UBN2: variants seen among roughly 807,000 people sequenced by gnomAD.
UBN2 encodes the protein ubinuclein 2.
Under a neutral mutation model 120.2 loss-of-function variants are expected in UBN2, and 35 were observed. That is an observed-to-expected ratio of 0.29 (90% CI 0.22 to 0.39). The LOEUF (loss-of-function observed/expected upper bound fraction) is 0.39, where lower values mean the gene tolerates loss of function less well. Among genes scored for constraint, UBN2 ranks in the 10% least tolerant of loss-of-function variants. The pLI is 1.00. For synonymous variants in UBN2, 661 were observed against 648.7 expected (o/e 1.02, Z -0.29); for missense variants, 1,693 against 1,663.2 (o/e 1.02, Z -0.31).
chr7:139,244,916 C>T (rs1479670614), intron 2 of UBN2, among the ~76,000 whole-genome samples: 3 of 151,694 alleles, frequency 2.0e-5, no homozygotes, highest in Non-Finnish European at 2.9e-5. Flanking sequence ...TTAATAAATA[C>T]TCTCTATCAC....
chr7:139,295,938 T>A (rs1370347401), intron 17 of UBN2, among the ~76,000 whole-genome samples: 1 of 152,170 alleles, frequency 6.6e-6, no homozygotes, highest in Non-Finnish European at 1.5e-5. Context: ...AAAAAAAGTT[T>A]AAAATTTTTC....
chr7:139,231,549 A>G lies in UBN2; in HGVS notation c.65A>G (p.Tyr22Cys). The G allele has an allele frequency of 7.1e-7, 1 of 1,416,336 alleles. No individual in the cohort carries two copies. Among genetic ancestry groups the G allele is most frequent in the Non-Finnish European group, 9.3e-7 (1 of 1,076,260 alleles). 87.7% of individuals were successfully genotyped at this position (1,416,336 alleles called of 1,614,324 possible). The change falls in exon 1 of 18, where the codon TAC becomes TGC. Residue 22 changes from tyrosine (Y) to cysteine (C), a missense_variant. Tyr to Cys is a radical substitution (Grantham distance 194). This residue lies in a region of UBN2 where 663 missense variants were observed against 591.2 expected (regional missense o/e 1.12). Coordinates refer to ENST00000473989, the MANE Select transcript of UBN2 (RefSeq NM_173569.4). ...CCGGTGCGGCGGCGCGAGGCCGAGT[A>G]CCCGGGGCCCGAGCGTGAGCCCGAG... ...LSPVRRREAE[Y>C]PGPEREPEYP...
At position 139,258,575 on chromosome 7, in the gene UBN2, G is replaced by C. The variant is rs745835487; in HGVS notation, c.751G>C (p.Asp251His). ...CACTCTACAGTTTCGCCAAGCTTCA[G>C]ATACTGAAGAAGATGATATTACAGA... The part of the protein sequence containing the change: ...TGTLQFRQAS[D>H]TEEDDITDNQ... The change falls in exon 4 of 18, where the codon GAT (aspartate) becomes CAT (histidine). Residue 251 changes from aspartate to histidine, a missense_variant. Coordinates refer to ENST00000473989, the MANE Select transcript of UBN2 (RefSeq NM_173569.4). 3 of 1,607,264 alleles carry C rather than the reference G, an allele frequency of 1.9e-6. No homozygotes were observed. Among genetic ancestry groups the C allele is most frequent in the Admixed American group, 3.4e-5 (2 of 59,668 alleles).
chr7:139,281,644 T>G (rs1797615496), intron 13 of UBN2, among the ~76,000 whole-genome samples: 1 of 152,356 alleles, frequency 6.6e-6, no homozygotes, highest in South Asian at 2.1e-4. Context: ...CTGCACAGTA[T>G]TCTATTAGAG....
intron 12 of UBN2, 167 bp downstream of exon 12, chr7:139,276,314 G>T: frequency 2.9e-6 from 2 of 685,066 alleles, no homozygotes; most frequent in Non-Finnish European, 5.1e-6. Context: ...AATTGTCAGG[G>T]TACTCTCTAA....
chr7:139,269,807 C>CT (rs200284259), intron 8 of UBN2, among the ~76,000 whole-genome samples: 57 of 146,522 alleles, frequency 3.9e-4, no homozygotes, highest in Admixed American at 4.8e-4. Flanking sequence ...AAGTACTCAC[C>CT]TTTTTTTTTT....
intron 2 of UBN2, among the ~76,000 whole-genome samples, chr7:139,243,676 G>T (rs1031143637): frequency 6.6e-6 from 1 of 152,136 alleles, no homozygotes; most frequent in Non-Finnish European, 1.5e-5. Context: ...GGCAGGTCAG[G>T]GTTAGAAGTT....
rs746690007 is a variant in UBN2 at position 139,231,539 on chromosome 7, G to A, written c.55G>A (p.Glu19Lys). The A allele has an allele frequency of 1.4e-6, 2 of 1,425,428 alleles. No homozygotes were observed. The highest frequency in any genetic ancestry group is 1.8e-6 in the Non-Finnish European group (2 of 1,081,456). 88.3% of individuals were successfully genotyped at this position (1,425,428 alleles called of 1,614,324 possible). A position where few individuals can be genotyped will look rare whatever the true frequency, so the allele number is the denominator to read the frequency against. Residue 19 changes from glutamate to lysine, a missense_variant, in exon 1 of 18, where the codon GAG (glutamate) becomes AAG (lysine). Glu to Lys is a moderately conservative substitution (Grantham distance 56). Coordinates refer to ENST00000473989, the MANE Select transcript of UBN2 (RefSeq NM_173569.4). Reference protein sequence around the residue: ...FISLSPVRRREAEYPGPEREP... With the variant: ...FISLSPVRRRKAEYPGPEREP... ...TAGCTTGTCACCGGTGCGGCGGCGC[G>A]AGGCCGAGTACCCGGGGCCCGAGCG...
intron 2 of UBN2, among the ~76,000 whole-genome samples, chr7:139,241,079 T>A (rs1391151106): frequency 6.6e-6 from 1 of 152,156 alleles, no homozygotes; most frequent in African/African-American, 2.4e-5. Flanking sequence ...TTTTAGATAG[T>A]CTGTAGGTAA....
At chr7:139,311,205 C>A (rs1183117530), downstream of UBN2, among the ~76,000 whole-genome samples, 1 of 152,192 alleles carries the variant, frequency 6.6e-6, no homozygotes, top group Non-Finnish European at 1.5e-5. Flanking sequence ...GATCGTACAC[C>A]TTTTAAAGGA....
chr7:139,283,318 A>G lies in UBN2; in HGVS notation c.2413A>G (p.Lys805Glu). The change falls in exon 15 of 18, where the codon AAA (lysine) becomes GAA (glutamate). Residue 805 changes from lysine to glutamate, a missense_variant. Lys to Glu is a moderately conservative substitution (Grantham distance 56). Transcript: ENST00000473989. ...GCCTCGTCCAGGACTGAGAGAAGAA[A>G]AATTAGCAAGTATCATGAGTAAGCT... is the stretch of plus-strand genomic sequence containing the variant. ...TKPRPGLREE[K>E]LASIMSKLPL... is the part of the protein sequence containing the mutation. 6.2e-7 allele frequency: 1 copy of G among 1,613,988 alleles called. No individual in the cohort carries two copies. Among genetic ancestry groups the G allele is most frequent in the East Asian group, 2.2e-5 (1 of 44,874 alleles).
intron 2 of UBN2, among the ~76,000 whole-genome samples, chr7:139,250,546 CAA>C (rs528405943): frequency 7.3e-5 from 10 of 136,644 alleles, no homozygotes; most frequent in South Asian, 2.4e-4. Context: ...GACCCTGTAT[CAA>C]AAAAAAAAAA....
intron 17 of UBN2, among the ~76,000 whole-genome samples, chr7:139,296,441 C>G (rs958040200): frequency 6.6e-6 from 1 of 152,190 alleles, no homozygotes; most frequent in Admixed American, 6.5e-5. Flanking sequence ...TCCTTTTCAC[C>G]TGTGTATTTC....
chr7:139,237,143 C>A, intron 2 of UBN2, 46 bp downstream of exon 2: 3 of 1,426,858 alleles, frequency 2.1e-6, no homozygotes, highest in Non-Finnish European at 2.9e-6. Context: ...TCCTATTGAC[C>A]TGTTTGCTTT....
intron 15 of UBN2, among the ~76,000 whole-genome samples, chr7:139,288,220 C>T (rs1360228474): frequency 1.3e-5 from 2 of 151,862 alleles, no homozygotes; most frequent in East Asian, 3.8e-4. Flanking sequence ...GGTAGGAAGA[C>T]AAGGAAAAAT....
the UBN2 span, among the ~76,000 whole-genome samples, chr7:139,321,447 T>A: frequency 6.6e-6 from 1 of 152,228 alleles, no homozygotes; most frequent in Non-Finnish European, 1.5e-5. Context: ...TGACTCCATG[T>A]TGGTGGCTAG....
chr7:139,254,385 C>G (rs1352354231), intron 3 of UBN2, among the ~76,000 whole-genome samples: 2 of 152,144 alleles, frequency 1.3e-5, no homozygotes, highest in Non-Finnish European at 2.9e-5. Flanking sequence ...TTGCCAGTGC[C>G]CTTTGGAGTA....
intron 5 of UBN2, among the ~76,000 whole-genome samples, chr7:139,260,491 A>G (rs549264259): frequency 5.3e-5 from 8 of 152,354 alleles, no homozygotes; most frequent in African/African-American, 1.9e-4. Flanking sequence ...TGTATAATGC[A>G]GTCAAACATT....
At chr7:139,293,817 A>G (rs1318020813) in intron 16 of UBN2, 72 bp from the exon 17 acceptor site, 8 of 1,401,972 alleles carry the variant, frequency 5.7e-6, no homozygotes, top group Admixed American at 3.4e-5. Context: ...TACATAAATC[A>G]GTTTTCATTT....
Sources: allele counts gnomAD v4.1 joint callset (sites outside exome capture counted in the v4.1 genomes callset), GRCh38; gene constraint gnomAD v4.1.1; regional missense constraint gnomAD v4.1.1; transcripts MANE v1.5; gene names NCBI Gene and HGNC (gene_info 2026-07-23, HGNC 2026-07-21).